Variants in MLH3 observed in about 807,000 individuals in gnomAD.
The protein encoded by MLH3 is DNA mismatch repair protein Mlh3.
In MLH3, 82 loss-of-function variants were observed where a neutral mutation model predicts 122.2. The ratio of observed to expected loss-of-function variants is 0.67; its 90% CI spans 0.56 to 0.81. The LOEUF (loss-of-function observed/expected upper bound fraction) is 0.81, where lower values mean the gene tolerates loss of function less well. MLH3 is among the 30% of genes least tolerant of loss of function. The pLI is 0.00. For synonymous variants in MLH3, 524 were observed against 599.5 expected, an observed-to-expected ratio of 0.87 and a Z score of 1.84; for missense variants, 1,539 against 1,714.5, an observed-to-expected ratio of 0.90 and a Z score of 1.81.
In MLH3 at chr14:75,046,936, T is replaced by A. The variant is rs766847331; in HGVS notation, c.2720A>T (p.Lys907Ile). ...TAACACACTGCACAACTTGCTGTCT[T>A]TCCTACTGGAATCTGAATTTGGAAG... ...NELPNSDSSR[K>I]DSKLCSVLTQ... Residue 907 changes from lysine (K) to isoleucine (I), a missense_variant, in exon 2 of 13, where the codon AAA becomes ATA. Lys to Ile is a moderately radical substitution (Grantham distance 102). Transcript: ENST00000355774. 1.3e-5 allele frequency: 21 copies of A among 1,614,188 alleles called. No individual in the cohort carries two copies. The highest frequency in any genetic ancestry group is 1.8e-5 in the Non-Finnish European group (21 of 1,180,040).
intron 2 of MLH3, among the ~76,000 whole-genome samples, chr14:75,043,116 A>G (rs992569780): frequency 2.0e-5 from 3 of 152,194 alleles, no homozygotes; most frequent in African/African-American, 7.2e-5. Flanking sequence ...AAAGGGTTCT[A>G]CGTTCTACTA....
chr14:75,032,292 T>C, intron 7 of MLH3, 113 bp from the exon 8 acceptor site: 1 of 738,994 alleles, frequency 1.4e-6, no homozygotes, highest in South Asian at 1.4e-5. Context: ...GAATGTTTAA[T>C]GTTCAGTTTT....
At chr14:75,028,042 G>A (rs1258456936) in intron 9 of MLH3, among the ~76,000 whole-genome samples, 5 of 148,098 alleles carry the variant, frequency 3.4e-5, no homozygotes, top group Non-Finnish European at 6.0e-5. Context: ...GAGAAATACA[G>A]AAAACTATAA....
intron 1 of MLH3, among the ~76,000 whole-genome samples, chr14:75,049,958 C>T (rs1015732070): frequency 2.0e-5 from 3 of 152,134 alleles, no homozygotes; most frequent in Non-Finnish European, 4.4e-5. Flanking sequence ...CCCACATGTC[C>T]TAAAGTGAAA....
rs2139612633 is a variant in MLH3, at chr14:75,049,515, C to T, written c.141G>A (p.Met47Ile). 1.9e-6 allele frequency: 3 copies of T among 1,614,162 alleles called. No individual in the cohort carries two copies. The highest frequency in any genetic ancestry group is 2.7e-5 in the African/African-American group (2 of 75,026). Residue 47 changes from methionine to isoleucine, a missense_variant, in exon 2 of 13, where the codon ATG becomes ATA. Transcript: ENST00000355774. ...EAKCVAVRVN[M>I]ETFQVQVIDN... Reference sequence around the variant, plus strand: ...CTATCACTTGAACTTGGAAGGTTTCCATATTCACCCTGACAGCCACACATT... The same window carrying T: ...CTATCACTTGAACTTGGAAGGTTTCTATATTCACCCTGACAGCCACACATT...
Position 75,046,482 on chromosome 14 carries a change from G to A in MLH3, c.3174C>T (p.Val1058=), listed in dbSNP as rs1309392573. ...ATGTGCTGAGTCCAGTCATTTTGTT[G>A]ACATAAACCATTCTTCCCAGGGCTA... ...FDVALGRMVY[V]NKMTGLSTFI... The change falls in exon 2 of 13, where the codon GTC becomes GTT. Residue 1058 remains valine, a synonymous_variant. Coordinates refer to ENST00000355774, the MANE Select transcript of MLH3 (RefSeq NM_001040108.2). 1 of 1,614,024 alleles carries A rather than the reference G, an allele frequency of 6.2e-7. No homozygotes were observed. Among genetic ancestry groups the A allele is most frequent in the Non-Finnish European group, 8.5e-7 (1 of 1,180,020 alleles).
At chr14:75,033,544 ATG>A (rs1456309926) in intron 6 of MLH3, 54 bp from the exon 7 acceptor site, 2 of 1,378,284 alleles carry the variant, frequency 1.5e-6, no homozygotes, top group Admixed American at 1.7e-5. Flanking sequence ...GACAACCATC[ATG>A]TGTGTTGAGG....
chr14:75,017,048 TC>T lies in MLH3; in HGVS notation c.*33del, dbSNP rs35392516. 21 of 1,610,856 alleles carry T rather than the reference TC, an allele frequency of 1.3e-5. No homozygotes were observed. Among genetic ancestry groups the T allele is most frequent in the Non-Finnish European group, 1.6e-5 (19 of 1,177,974 alleles). Reference sequence around the variant, plus strand: ...TCTGCTCAGAGGCATACAGTGAACATCCCTTTGTTCCTTTTAGACCAGTGAT... The same window carrying T: ...TCTGCTCAGAGGCATACAGTGAACATCCTTTGTTCCTTTTAGACCAGTGAT... On this transcript the variant is annotated 3_prime_UTR_variant, in exon 13 of 13. Transcript: ENST00000355774.
intron 8 of MLH3, among the ~76,000 whole-genome samples, chr14:75,031,144 A>G (rs1891021957): frequency 6.6e-6 from 1 of 152,216 alleles, no homozygotes; most frequent in South Asian, 2.1e-4. Flanking sequence ...AAATTATGTC[A>G]TAGGGAAAAA....
rs141079562 is a variant in MLH3 at position 75,049,207 on chromosome 14, T to C, written c.449A>G (p.Asn150Ser). 13 of 1,614,050 alleles carry C rather than the reference T, an allele frequency of 8.1e-6. No homozygotes were observed. The African/African-American group carries it at 1.6e-4, about 20-fold the overall frequency. The change falls in exon 2 of 13, where the codon AAC becomes AGC. Residue 150 changes from asparagine (N) to serine (S), a missense_variant. By Grantham distance (46) the Asn-to-Ser change is conservative (BLOSUM62 1). Coordinates refer to ENST00000355774, the MANE Select transcript of MLH3 (RefSeq NM_001040108.2). ...CCTTACAGGAAGCTGGTAAAATAGG[T>C]TATACACTGTTACAGTAGTCCCAGC... ...ASAGTTVTVY[N>S]LFYQLPVRRK...
Position 75,014,312 on chromosome 14 carries a change from A to G in MLH3, c.*2770T>C, listed in dbSNP as rs1232823867. Reference sequence around the variant, plus strand: ...TGACTGCTAGAACCTCTCCATTCTTACATCTCATGTAGTTCCAGGTCCCCA... The same window carrying G: ...TGACTGCTAGAACCTCTCCATTCTTGCATCTCATGTAGTTCCAGGTCCCCA... On this transcript the variant is annotated 3_prime_UTR_variant, in exon 13 of 13. Coordinates refer to ENST00000355774, the MANE Select transcript of MLH3 (RefSeq NM_001040108.2). The G allele has an allele frequency of 2.3e-5, 4 of 175,140 alleles. No homozygotes were observed. Among genetic ancestry groups the G allele is most frequent in the Non-Finnish European group, 4.9e-5 (4 of 81,300 alleles). The allele number at this position is 175,140 out of a possible 1,614,324, so 10.8% of individuals were successfully genotyped here. A position where few individuals can be genotyped will look rare whatever the true frequency, so the allele number is the denominator to read the frequency against.
Position 75,018,789 on chromosome 14 carries a change from A to G in MLH3, c.4242+40T>C, listed in dbSNP as rs775391954. On this transcript the variant is annotated intron_variant, in intron 12 of 12. Coordinates refer to ENST00000355774, the MANE Select transcript of MLH3 (RefSeq NM_001040108.2). The stretch of plus-strand genomic sequence containing the variant: ...AAAAGCCAGAAAAGAAAGAGAAAAT[A>G]AACTTTGCTCCCTCCTGCTCCTGTT... 7 of 1,607,784 alleles carry G rather than the reference A, an allele frequency of 4.4e-6. No individual in the cohort carries two copies. Among genetic ancestry groups the G allele is most frequent in the East Asian group, 4.5e-5 (2 of 44,864 alleles).
At chr14:75,029,652 C>T (rs1348348305) in intron 9 of MLH3, among the ~76,000 whole-genome samples, 1 of 152,108 alleles carries the variant, frequency 6.6e-6, no homozygotes, top group Admixed American at 6.5e-5. Flanking sequence ...TCTCCTGCCT[C>T]AGCCTCCTGA....
At chr14:75,049,915 T>A (rs1394263743) in intron 1 of MLH3, among the ~76,000 whole-genome samples, 197 bp from the exon 2 acceptor site, 1 of 152,228 alleles carries the variant, frequency 6.6e-6, no homozygotes, top group African/African-American at 2.4e-5. Flanking sequence ...AAAAAATTCA[T>A]AATTTCATAA....
chr14:75,017,238 A>ACT lies in MLH3; in HGVS notation c.4243-38_4243-37insAG, dbSNP rs28757057. 1.9e-6 allele frequency: 3 copies of ACT among 1,608,650 alleles called. No individual in the cohort carries two copies. In the African/African-American group the frequency reaches 4.0e-5, roughly 21 times the overall value. On this transcript the variant is annotated intron_variant, in intron 12 of 12. Transcript: ENST00000355774. ...AAGAATAACTTCAATTAGCAATATG[A>ACT]AAAGGTAGGTAGCATACAGGCTGGG...
At chr14:75,036,545 A>G in intron 6 of MLH3, 1 of 397,810 alleles carries the variant, frequency 2.5e-6, no homozygotes, top group East Asian at 7.4e-5. Context: ...GCGTTTCAGC[A>G]TGTTGGCCAG....
Position 75,048,553 on chromosome 14 carries a change from T to A in MLH3, c.1103A>T (p.Asp368Val). 1 of 1,613,394 alleles carries A rather than the reference T, an allele frequency of 6.2e-7. No homozygotes were observed. The highest frequency in any genetic ancestry group is 8.5e-7 in the Non-Finnish European group (1 of 1,179,712). Residue 368 changes from aspartate to valine, a missense_variant, in exon 2 of 13, where the codon GAT becomes GTT. Coordinates refer to ENST00000355774, the MANE Select transcript of MLH3 (RefSeq NM_001040108.2). ...AGCATCAAATAAACTAAAACCATTA[T>A]CTTCACTAAATTCCTTAATATCCTC... is the stretch of plus-strand genomic sequence containing the variant. ...SGEDIKEFSE[D>V]NGFSLFDATL...
rs775675058 is a variant in MLH3 at position 75,048,279 on chromosome 14, T to G, written c.1377A>C (p.Gln459His). The change falls in exon 2 of 13, where the codon CAA (glutamine) becomes CAC (histidine). Residue 459 changes from glutamine to histidine, a missense_variant. Physicochemically the swap from Gln to His is conservative, Grantham distance 24. Transcript: ENST00000355774. ...ATTCTGAGCAAGAGCTGTCTTTGTT[T>G]TGTAAAGATGGCTCTGTCATTTTGC... The part of the protein sequence containing the change: ...GHSKMTEPSL[Q>H]NKDSSCSESK... 1.2e-6 allele frequency: 2 copies of G among 1,613,974 alleles called. No individual in the cohort carries two copies. Among genetic ancestry groups the G allele is most frequent in the Admixed American group, 3.3e-5 (2 of 60,010 alleles).
intron 11 of MLH3, among the ~76,000 whole-genome samples, chr14:75,020,215 A>G (rs1890185590): frequency 6.6e-6 from 1 of 152,232 alleles, no homozygotes; most frequent in Non-Finnish European, 1.5e-5. Context: ...GAGTGATATG[A>G]CGTGACACTG....
Sources: allele counts gnomAD v4.1 joint callset (sites outside exome capture counted in the v4.1 genomes callset), GRCh38; gene constraint gnomAD v4.1.1; transcripts MANE v1.5; gene names NCBI Gene and HGNC (gene_info 2026-07-23, HGNC 2026-07-21).